Variants in GALNTL6 observed in about 807,000 individuals in gnomAD.
GALNTL6 encodes the protein polypeptide N-acetylgalactosaminyltransferase-like 6.
Under a neutral mutation model 73.7 loss-of-function variants are expected in GALNTL6, and 46 were observed. That is an observed-to-expected ratio of 0.62 (90% CI 0.49 to 0.80). The LOEUF (loss-of-function observed/expected upper bound fraction) is 0.80, where lower values mean the gene tolerates loss of function less well. Among genes scored for constraint, GALNTL6 ranks in the 30% least tolerant of loss-of-function variants. The pLI is 0.00. For synonymous variants in GALNTL6, 259 were observed against 263.7 expected (o/e 0.98, Z 0.17); for missense variants, 604 against 755.0 (o/e 0.80, Z 2.34).
intron 5 of GALNTL6, among the ~76,000 whole-genome samples, chr4:172,533,740 C>T (rs150890100): frequency 6.6e-6 from 1 of 152,230 alleles, no homozygotes; most frequent in East Asian, 1.9e-4. Flanking sequence ...CTGGTTGAAG[C>T]TTTTTCTATT....
At position 172,543,052 on chromosome 4, in the gene GALNTL6, G is replaced by C. The variant is rs150434250; in HGVS notation, c.553+194363G>C. On this transcript the variant is annotated intron_variant, in intron 5 of 12. Coordinates refer to ENST00000506823, the MANE Select transcript of GALNTL6 (RefSeq NM_001034845.3). ...GCGGAGGTTGCAGTGAGCTGAGATT[G>C]TGCCACTGCACTCCAGCCTGGTGAC... 3.6e-4 allele frequency among the ~76,000 whole-genome samples: 55 copies of C among 152,242 alleles called. 2 individuals are homozygous for C. The East Asian group carries it at 0.01, about 29-fold the overall frequency.
Position 171,959,325 on chromosome 4 carries a change from A to G in GALNTL6, c.138+144607A>G, listed in dbSNP as rs75209766. 1.8e-3 allele frequency among the ~76,000 whole-genome samples: 269 copies of G among 152,332 alleles called. 2 individuals carry two copies. The highest frequency in any genetic ancestry group is 0.011 in the Admixed American group (174 of 15,292). Reference sequence around the variant, plus strand: ...TAGGCAATGTTCTCTTAGGTAAGATACTAAGTCTGAGCCATGGAATTTAAA... The same window carrying G: ...TAGGCAATGTTCTCTTAGGTAAGATGCTAAGTCTGAGCCATGGAATTTAAA... On this transcript the variant is annotated intron_variant, in intron 2 of 12. Transcript: ENST00000506823.
chr4:172,328,304 C>T (rs1322219155), intron 4 of GALNTL6, among the ~76,000 whole-genome samples: 3 of 151,976 alleles, frequency 2.0e-5, no homozygotes, highest in Non-Finnish European at 4.4e-5. Flanking sequence ...GCCCTTTTGC[C>T]CTAGCTGCCT....
chr4:172,892,221 C>T (rs983781447), intron 8 of GALNTL6, among the ~76,000 whole-genome samples: 6 of 152,168 alleles, frequency 3.9e-5, no homozygotes, highest in Admixed American at 2.6e-4. Context: ...AATGCTCTGA[C>T]TTTTTGAATT....
At chr4:172,348,883 T>C (rs574941316) in intron 5 of GALNTL6, among the ~76,000 whole-genome samples, 194 bp downstream of exon 5, 5 of 152,330 alleles carry the variant, frequency 3.3e-5, no homozygotes, top group Admixed American at 1.3e-4. Flanking sequence ...TAGGTTTCAT[T>C]TGGGAATCTG....
At chr4:172,256,444 C>G (rs1738082144) in intron 3 of GALNTL6, among the ~76,000 whole-genome samples, 1 of 151,468 alleles carries the variant, frequency 6.6e-6, no homozygotes, top group Admixed American at 6.6e-5. Flanking sequence ...CCAGTTAAAT[C>G]ATTTCAACTG....
intron 5 of GALNTL6, among the ~76,000 whole-genome samples, chr4:172,520,097 A>C (rs1480727847): frequency 6.6e-6 from 1 of 151,938 alleles, no homozygotes; most frequent in Non-Finnish European, 1.5e-5. Context: ...AATCTAAAGC[A>C]ATTTCAGAAC....
intron 5 of GALNTL6, among the ~76,000 whole-genome samples, chr4:172,643,796 T>C (rs1338051745): frequency 6.6e-6 from 1 of 152,010 alleles, no homozygotes; most frequent in African/African-American, 2.4e-5. Flanking sequence ...ATATACCCAG[T>C]TGATTTTTTA....
At chr4:172,690,696 A>G (rs1031551837) in intron 5 of GALNTL6, among the ~76,000 whole-genome samples, 7 of 152,196 alleles carry the variant, frequency 4.6e-5, no homozygotes, top group Non-Finnish European at 8.8e-5. Context: ...TGCACTTGAG[A>G]TAACATTTCC....
chr4:172,893,605 T>C (rs1391685858), intron 8 of GALNTL6, among the ~76,000 whole-genome samples: 1 of 152,150 alleles, frequency 6.6e-6, no homozygotes, highest in Non-Finnish European at 1.5e-5. Flanking sequence ...GAAGATCTGG[T>C]GGACAAGGGG....
chr4:172,490,618 A>C (rs917173496), intron 5 of GALNTL6, among the ~76,000 whole-genome samples: 1 of 152,182 alleles, frequency 6.6e-6, no homozygotes, highest in African/African-American at 2.4e-5. Context: ...AATAACTACA[A>C]AATAATAATA....
chr4:172,943,262 C>T (rs1749001715), intron 9 of GALNTL6, among the ~76,000 whole-genome samples: 1 of 152,116 alleles, frequency 6.6e-6, no homozygotes, highest in Admixed American at 6.6e-5. Context: ...AGTCCTCCTA[C>T]TCAGCACTCA....
chr4:172,947,228 G>A (rs1330836316), intron 9 of GALNTL6, among the ~76,000 whole-genome samples: 1 of 152,030 alleles, frequency 6.6e-6, no homozygotes, highest in African/African-American at 2.4e-5. Context: ...TTTGAGAGAT[G>A]AGGGAAAATA....
chr4:172,078,176 AG>A (rs1731765571), intron 2 of GALNTL6, among the ~76,000 whole-genome samples: 1 of 152,164 alleles, frequency 6.6e-6, no homozygotes, highest in African/African-American at 2.4e-5. Context: ...AACCTCTACT[AG>A]GGCAGTGCAG....
chr4:172,835,680 C>T (rs1199212179), intron 7 of GALNTL6, among the ~76,000 whole-genome samples: 4 of 151,950 alleles, frequency 2.6e-5, no homozygotes, highest in Non-Finnish European at 4.4e-5. Context: ...AGCAAGAAGC[C>T]GAATGCACTC....
At chr4:172,240,287 G>A (rs545681182) in intron 3 of GALNTL6, among the ~76,000 whole-genome samples, 4 of 152,062 alleles carry the variant, frequency 2.6e-5, no homozygotes, top group East Asian at 1.9e-4. Context: ...GCAGTGGCAC[G>A]ATCTCGGCTC....
rs1450555902 is a variant in GALNTL6 at position 171,814,441 on chromosome 4, T to C, written c.-140T>C. 2 of 774,190 alleles carry C rather than the reference T, an allele frequency of 2.6e-6. No homozygotes were observed. The highest frequency in any genetic ancestry group is 4.2e-6 in the Non-Finnish European group (2 of 479,318). The allele number at this position is 774,190 out of a possible 1,614,324, so 48.0% of individuals were successfully genotyped here. ...CCAACTCCCTCTGAATCCTGCAGATTGGTGCTGAGCACGCAACAAAAGTTT... is the reference window on the plus strand; with the variant it reads ...CCAACTCCCTCTGAATCCTGCAGATCGGTGCTGAGCACGCAACAAAAGTTT... On this transcript the variant is annotated 5_prime_UTR_variant, in exon 2 of 13. Coordinates refer to ENST00000506823, the MANE Select transcript of GALNTL6 (RefSeq NM_001034845.3).
At chr4:171,933,908 A>T (rs1290296700) in intron 2 of GALNTL6, among the ~76,000 whole-genome samples, 1 of 152,168 alleles carries the variant, frequency 6.6e-6, no homozygotes, top group African/African-American at 2.4e-5. Context: ...TTGGAAACAC[A>T]TTAAAGATTA....
At position 173,024,523 on chromosome 4, in the gene GALNTL6, G is replaced by A. The variant is rs566712507; in HGVS notation, c.1638+2898G>A. Reference sequence around the variant, plus strand: ...AAGCACAAAGAGAAATCTCTCTGGTGTGTTACCTTATCTATTTGGATGCAG... The same window carrying A: ...AAGCACAAAGAGAAATCTCTCTGGTATGTTACCTTATCTATTTGGATGCAG... On this transcript the variant is annotated intron_variant, in intron 12 of 12. Transcript: ENST00000506823. 7.2e-5 allele frequency among the ~76,000 whole-genome samples: 11 copies of A among 152,324 alleles called. No homozygotes were observed. In the Middle Eastern group the frequency reaches 0.014, roughly 188 times the overall value.
Sources: gnomAD v4.1 joint callset for allele counts (sites outside exome capture counted in the v4.1 genomes callset) on GRCh38, gnomAD v4.1.1 for gene constraint, MANE v1.5 for transcripts, NCBI Gene and HGNC (gene_info 2026-07-23, HGNC 2026-07-21) for gene names.